The following LSAMP variants were observed in gnomAD, a reference collection of about 807,000 sequenced individuals.
LSAMP encodes the protein limbic system associated membrane protein.
LSAMP carries 7 observed loss-of-function variants against 38.6 expected under a neutral mutation model. That is an observed-to-expected ratio of 0.18 (90% CI 0.10 to 0.34). The LOEUF is 0.34. Among genes scored for constraint, LSAMP ranks in the 10% least tolerant of loss-of-function variants. LSAMP has a pLI of 1.00. For missense variants in LSAMP, 313 were observed against 420.0 expected (o/e 0.75, Z 2.23); for synonymous variants, 154 against 166.8 (o/e 0.92, Z 0.59).
intron 1 of LSAMP, among the ~76,000 whole-genome samples, chr3:116,378,055 C>G (rs2048515832): frequency 6.6e-6 from 1 of 151,994 alleles, no homozygotes; most frequent in African/African-American, 2.4e-5. Context: ...AGAGTGACTT[C>G]CTCAAATTTT....
intron 1 of LSAMP, among the ~76,000 whole-genome samples, chr3:116,181,711 T>G (rs1348718032): frequency 1.3e-5 from 2 of 152,036 alleles, no homozygotes; most frequent in Non-Finnish European, 2.9e-5. Context: ...CACAATATCC[T>G]AAGATAGACA....
intron 1 of LSAMP, among the ~76,000 whole-genome samples, chr3:116,181,568 C>T (rs1049339891): frequency 1.3e-5 from 2 of 152,046 alleles, no homozygotes; most frequent in Admixed American, 1.3e-4. Flanking sequence ...GAAACCCTTG[C>T]AAGTGTTGCA....
At chr3:116,078,527 C>T (rs1346210395) in intron 2 of LSAMP, among the ~76,000 whole-genome samples, 1 of 151,932 alleles carries the variant, frequency 6.6e-6, no homozygotes, top group Non-Finnish European at 1.5e-5. Flanking sequence ...GGGGTTTCAC[C>T]GTGTTAGCCA....
At chr3:116,047,757 T>C (rs552731146) in intron 2 of LSAMP, among the ~76,000 whole-genome samples, 7 of 152,328 alleles carry the variant, frequency 4.6e-5, no homozygotes, top group African/African-American at 1.7e-4. Context: ...AATTTTTAAA[T>C]TATTTTTGAA....
intron 1 of LSAMP, among the ~76,000 whole-genome samples, chr3:116,398,421 C>T (rs2048797143): frequency 6.6e-6 from 1 of 152,060 alleles, no homozygotes; most frequent in Admixed American, 6.6e-5. Context: ...GTATCTGGCT[C>T]CGTAGGTATT....
chr3:116,168,970 G>A (rs1710128630), intron 1 of LSAMP, among the ~76,000 whole-genome samples: 1 of 152,140 alleles, frequency 6.6e-6, no homozygotes, highest in Non-Finnish European at 1.5e-5. Flanking sequence ...GGAGGCTGAG[G>A]CAGGAGGATC....
intron 2 of LSAMP, among the ~76,000 whole-genome samples, chr3:116,053,551 T>C (rs554833378): frequency 6.6e-6 from 1 of 152,170 alleles, no homozygotes; most frequent in Non-Finnish European, 1.5e-5. Context: ...AATGAAAATG[T>C]ATAGAAGGGG....
chr3:115,900,990 A>T (rs1435432588), intron 3 of LSAMP, among the ~76,000 whole-genome samples: 1 of 152,044 alleles, frequency 6.6e-6, no homozygotes, highest in Non-Finnish European at 1.5e-5. Flanking sequence ...AACAAGTTTC[A>T]TTTCCTCCAC....
intron 2 of LSAMP, among the ~76,000 whole-genome samples, chr3:116,078,928 T>G (rs1038795009): frequency 2.6e-5 from 4 of 152,134 alleles, no homozygotes; most frequent in Non-Finnish European, 4.4e-5. Context: ...ATGCTAAGTA[T>G]TAGGTATATG....
chr3:116,196,113 A>G (rs1245875572), intron 1 of LSAMP, among the ~76,000 whole-genome samples: 1 of 152,126 alleles, frequency 6.6e-6, no homozygotes, highest in Non-Finnish European at 1.5e-5. Flanking sequence ...TCATCTTCTC[A>G]TTGATCATCC....
At chr3:116,186,033 T>C (rs945033474) in intron 1 of LSAMP, among the ~76,000 whole-genome samples, 2 of 152,098 alleles carry the variant, frequency 1.3e-5, no homozygotes, top group African/African-American at 4.8e-5. Context: ...TAGGTACTTT[T>C]ATCTTTGTAG....
Position 116,445,445 on chromosome 3 carries a change from G to C in LSAMP, c.-414C>G. Reference sequence around the variant, plus strand: ...TGGCGGGCGGGCGGGCGAGGGAGCCGGCACCAAGCCTGCCAGTGAGTGTAC... The same window carrying C: ...TGGCGGGCGGGCGGGCGAGGGAGCCCGCACCAAGCCTGCCAGTGAGTGTAC... On this transcript the variant is annotated 5_prime_UTR_variant, in exon 1 of 7. Transcript: ENST00000490035. 1 of 449,742 alleles carries C rather than the reference G, an allele frequency of 2.2e-6. No individual in the cohort carries two copies. Among genetic ancestry groups the C allele is most frequent in the Non-Finnish European group, 3.9e-6 (1 of 257,626 alleles). The allele number at this position is 449,742 out of a possible 1,614,324, so 27.9% of individuals were successfully genotyped here.
At chr3:116,413,261 C>A (rs952425202) in intron 1 of LSAMP, among the ~76,000 whole-genome samples, 1 of 143,080 alleles carries the variant, frequency 7.0e-6, no homozygotes, top group Non-Finnish European at 1.5e-5. Context: ...ATATATATAT[C>A]ATATTTCTGT....
chr3:116,248,481 G>A lies in LSAMP; in HGVS notation c.156-161925C>T, dbSNP rs2046631865. Among the ~76,000 whole-genome samples the A allele has an allele frequency of 3.4e-4, 3 of 8,762 alleles. No individual in the cohort carries two copies. In the South Asian group the frequency reaches 0.032, roughly 93 times the overall value. The allele number at this position is 8,762 out of a possible 152,430, so 5.7% of individuals were successfully genotyped here. ...TATAGTAAGACCCTGTCTCTAATGT[G>A]TGTGTGTGTGTGTGTGTGTGTGTGT... On this transcript the variant is annotated intron_variant, in intron 1 of 6. Coordinates refer to ENST00000490035, the MANE Select transcript of LSAMP (RefSeq NM_002338.5).
intron 2 of LSAMP, among the ~76,000 whole-genome samples, chr3:116,074,305 G>A (rs538604953): frequency 6.6e-5 from 10 of 152,244 alleles, no homozygotes; most frequent in South Asian, 2.1e-4. Context: ...CCCCAAAACA[G>A]GGAAGAGGTT....
chr3:116,380,395 A>G (rs1383735205), intron 1 of LSAMP, among the ~76,000 whole-genome samples: 1 of 152,050 alleles, frequency 6.6e-6, no homozygotes, highest in East Asian at 1.9e-4. Flanking sequence ...TCAGTGATAT[A>G]TAATTATGTC....
At chr3:116,153,830 A>G (rs1461109) in intron 1 of LSAMP, among the ~76,000 whole-genome samples, 125,923 of 151,994 alleles carry the variant, frequency 0.83, 52,525 homozygotes, top group South Asian at 0.91. Context: ...AGGTAAATAA[A>G]AGAAAGTAGA....
chr3:116,286,144 T>C (rs763304486), intron 1 of LSAMP, among the ~76,000 whole-genome samples: 10 of 152,184 alleles, frequency 6.6e-5, no homozygotes, highest in African/African-American at 1.2e-4. Context: ...GTCCTTCCTA[T>C]GTCCTAGGGA....
chr3:116,254,483 A>C (rs898188630), intron 1 of LSAMP, among the ~76,000 whole-genome samples: 1 of 152,182 alleles, frequency 6.6e-6, no homozygotes, highest in Non-Finnish European at 1.5e-5. Flanking sequence ...GAAAAGAAGA[A>C]GACCCAATGT....
Sources: allele counts gnomAD v4.1 joint callset (sites outside exome capture counted in the v4.1 genomes callset), GRCh38; gene constraint gnomAD v4.1.1; transcripts MANE v1.5; gene names NCBI Gene and HGNC (gene_info 2026-07-23, HGNC 2026-07-21).